MCUB: variants seen among roughly 807,000 people sequenced by gnomAD.
MCUB encodes the protein mitochondrial calcium uniporter dominant negative subunit beta, also known as calcium uniporter regulatory subunit MCUb, mitochondrial.
Under a neutral mutation model 41.4 loss-of-function variants are expected in MCUB, and 46 were observed. The observed-to-expected ratio is 1.11, with a 90% CI of 0.88 to 1.42. The LOEUF (loss-of-function observed/expected upper bound fraction) is 1.42, where lower values mean the gene tolerates loss of function less well. MCUB is among the 40% of genes most tolerant of loss of function. The pLI is 0.00. For synonymous variants in MCUB, 148 were observed against 148.2 expected (o/e 1.00, Z 0.01); for missense variants, 403 against 404.9 (o/e 1.00, Z 0.04).
chr4:109,580,510 T>G (rs1338594725), intron 1 of MCUB, among the ~76,000 whole-genome samples: 1 of 152,222 alleles, frequency 6.6e-6, no homozygotes, highest in African/African-American at 2.4e-5. Flanking sequence ...TGTAAAAGCG[T>G]TCCTATTTCT....
intron 4 of MCUB, among the ~76,000 whole-genome samples, chr4:109,679,403 C>G (rs1008992199): frequency 2.0e-5 from 3 of 152,144 alleles, no homozygotes; most frequent in African/African-American, 4.8e-5. Context: ...CCCAGCACCT[C>G]GGGAGGCCGA....
chr4:109,644,011 C>T (rs952937381), intron 1 of MCUB, among the ~76,000 whole-genome samples: 6 of 151,952 alleles, frequency 3.9e-5, no homozygotes, highest in Admixed American at 1.3e-4. Flanking sequence ...TATTCTGGTT[C>T]GGAGGCTGCC....
intron 1 of MCUB, among the ~76,000 whole-genome samples, chr4:109,570,020 C>T (rs977780846): frequency 5.3e-5 from 8 of 152,168 alleles, no homozygotes; most frequent in African/African-American, 1.7e-4. Context: ...CATTTTGTCT[C>T]ATGCTCTCTT....
chr4:109,562,008 C>T (rs927260976), intron 1 of MCUB, among the ~76,000 whole-genome samples: 4 of 152,290 alleles, frequency 2.6e-5, no homozygotes, highest in Admixed American at 1.3e-4. Flanking sequence ...GTCTCAGCCC[C>T]GCAAAGTGCT....
At chr4:109,678,614 C>G in intron 4 of MCUB, among the ~76,000 whole-genome samples, 1 of 143,660 alleles carries the variant, frequency 7.0e-6, no homozygotes, top group South Asian at 2.3e-4. Context: ...AGAGGCACTC[C>G]TCACCTCCCA....
intron 1 of MCUB, among the ~76,000 whole-genome samples, chr4:109,594,775 C>T (rs1579055586): frequency 6.6e-6 from 1 of 150,606 alleles, no homozygotes; most frequent in Admixed American, 6.6e-5. Flanking sequence ...GAAAAATTCT[C>T]TTTCTTTTTT....
chr4:109,660,048 T>C (rs1393214665), intron 2 of MCUB, 147 bp from the exon 3 acceptor site: 1 of 582,986 alleles, frequency 1.7e-6, no homozygotes, highest in South Asian at 2.2e-5. Context: ...TGTAGTATAA[T>C]GAAGGCATTA....
intron 4 of MCUB, among the ~76,000 whole-genome samples, chr4:109,672,602 C>T (rs943452626): frequency 6.6e-6 from 1 of 152,210 alleles, no homozygotes; most frequent in Non-Finnish European, 1.5e-5. Flanking sequence ...AAGGCTCTTA[C>T]TTACAGTGAG....
Position 109,685,314 on chromosome 4 carries a change from C to G in MCUB, c.880C>G (p.Gln294Glu). The change falls in exon 7 of 8, where the codon CAA (glutamine) becomes GAA (glutamate). Residue 294 changes from glutamine (Q) to glutamate (E), a missense_variant. By Grantham distance (29) the Gln-to-Glu change is conservative. Transcript: ENST00000394650. ...TCAGTTCTTCCACAAGAAATCAAAG[C>G]AACAGCACTTTGATGTGCAGCAATA... The part of the protein sequence containing the change: ...FLQFFHKKSK[Q>E]QHFDVQQYNK... 6.3e-7 allele frequency: 1 copy of G among 1,592,430 alleles called. No homozygotes were observed. The highest frequency in any genetic ancestry group is 8.6e-7 in the Non-Finnish European group (1 of 1,160,978).
At chr4:109,563,887 C>T (rs189526957) in intron 1 of MCUB, among the ~76,000 whole-genome samples, 1 of 151,672 alleles carries the variant, frequency 6.6e-6, no homozygotes, top group African/African-American at 2.4e-5. Flanking sequence ...GCGCCCAGCC[C>T]ACAGCACTTC....
intron 4 of MCUB, among the ~76,000 whole-genome samples, chr4:109,676,344 G>A (rs1279042797): frequency 6.6e-6 from 1 of 152,154 alleles, no homozygotes; most frequent in Non-Finnish European, 1.5e-5. Flanking sequence ...TTTGAGACCA[G>A]TGTGGCCAAC....
chr4:109,580,158 C>T (rs1727136183), intron 1 of MCUB, among the ~76,000 whole-genome samples: 1 of 152,140 alleles, frequency 6.6e-6, no homozygotes, highest in African/African-American at 2.4e-5. Flanking sequence ...CAATAGTTTG[C>T]TCGGAGTGAT....
At chr4:109,611,556 G>A (rs1269792416) in intron 1 of MCUB, among the ~76,000 whole-genome samples, 3 of 152,134 alleles carry the variant, frequency 2.0e-5, no homozygotes, top group African/African-American at 7.2e-5. Flanking sequence ...ACACAATTCT[G>A]ATGTTCCCTA....
intron 1 of MCUB, among the ~76,000 whole-genome samples, chr4:109,597,993 G>A (rs1193730553): frequency 1.3e-5 from 2 of 150,298 alleles, no homozygotes; most frequent in Non-Finnish European, 3.0e-5. Context: ...CATCTCAGAC[G>A]ATGGGCGGCC....
At chr4:109,658,108 G>C (rs1317636796) in intron 1 of MCUB, among the ~76,000 whole-genome samples, 2 of 152,150 alleles carry the variant, frequency 1.3e-5, no homozygotes, top group Admixed American at 1.3e-4. Context: ...GATTACAGGC[G>C]TGAGCCATCG....
intron 1 of MCUB, among the ~76,000 whole-genome samples, chr4:109,566,387 A>G (rs1048998135): frequency 3.3e-5 from 5 of 151,190 alleles, no homozygotes; most frequent in Admixed American, 6.6e-5. Flanking sequence ...GGAGAATGAC[A>G]TGAACCCGGG....
intron 1 of MCUB, among the ~76,000 whole-genome samples, chr4:109,589,145 ATTTC>A (rs1405805111): frequency 6.6e-6 from 1 of 152,140 alleles, no homozygotes; most frequent in Admixed American, 6.6e-5. Context: ...GTCTTTACAG[ATTTC>A]TTTGTAAGGT....
At position 109,656,354 on chromosome 4, in the gene MCUB, CTTTTTTTTTTT is replaced by C. The variant is rs752851425; in HGVS notation, c.100-2629_100-2619del. On this transcript the variant is annotated intron_variant, in intron 1 of 7. Coordinates refer to ENST00000394650, the MANE Select transcript of MCUB (RefSeq NM_017918.5). ...GAGGGGCTCTAACTTTTACTCTCTA[CTTTTTTTTTTT>C]TTTTTTTTTTTTTTTTTTTTTTTTT... Among the ~76,000 whole-genome samples the C allele has an allele frequency of 2.9e-4, 18 of 62,114 alleles. 1 individual carries two copies. Among genetic ancestry groups the C allele is most frequent in the Middle Eastern group, 0.015 (1 of 66 alleles). The allele number at this position is 62,114 out of a possible 152,430, so 40.7% of individuals were successfully genotyped here.
intron 1 of MCUB, among the ~76,000 whole-genome samples, chr4:109,614,955 A>G (rs993339112): frequency 2.6e-5 from 4 of 152,210 alleles, no homozygotes; most frequent in African/African-American, 9.7e-5. Flanking sequence ...GAAAAGCTAC[A>G]AATCAACCAG....
Sources: gnomAD v4.1 joint callset for allele counts (sites outside exome capture counted in the v4.1 genomes callset) on GRCh38, gnomAD v4.1.1 for gene constraint, MANE v1.5 for transcripts, NCBI Gene and HGNC (gene_info 2026-07-23, HGNC 2026-07-21) for gene names.